The following TMEM132C variants were observed in gnomAD, a reference collection of about 807,000 sequenced individuals.
The protein encoded by TMEM132C is transmembrane protein 132C.
TMEM132C carries 29 observed loss-of-function variants against 61.4 expected under a neutral mutation model. The observed-to-expected ratio is 0.47, with a 90% CI of 0.35 to 0.64. The LOEUF (loss-of-function observed/expected upper bound fraction) is 0.64, where lower values mean the gene tolerates loss of function less well. TMEM132C is among the 30% of genes least tolerant of loss of function. The pLI is 0.00. For synonymous variants in TMEM132C, 656 were observed against 633.1 expected, an observed-to-expected ratio of 1.04 and a Z score of -0.54; for missense variants, 1,408 against 1,476.9, an observed-to-expected ratio of 0.95 and a Z score of 0.76.
intron 1 of TMEM132C, among the ~76,000 whole-genome samples, chr12:128,283,655 A>T (rs1457542299): frequency 6.6e-6 from 1 of 151,966 alleles, no homozygotes; most frequent in Non-Finnish European, 1.5e-5. Context: ...TATCTAATCT[A>T]TTTATCTGCC....
At chr12:128,636,910 G>A (rs914002074) in intron 4 of TMEM132C, among the ~76,000 whole-genome samples, 1 of 152,028 alleles carries the variant, frequency 6.6e-6, no homozygotes, top group Non-Finnish European at 1.5e-5. Context: ...GGTCCTCCAG[G>A]TTCATCCATA....
intron 1 of TMEM132C, among the ~76,000 whole-genome samples, chr12:128,395,430 C>T (rs571646560): frequency 6.6e-6 from 1 of 152,232 alleles, no homozygotes; most frequent in Admixed American, 6.5e-5. Context: ...GCAATGTGCC[C>T]AGTTAAAAAC....
intron 2 of TMEM132C, among the ~76,000 whole-genome samples, chr12:128,522,556 T>C (rs1442151606): frequency 6.6e-6 from 1 of 152,244 alleles, no homozygotes; most frequent in Non-Finnish European, 1.5e-5. Context: ...CATTGGTTAG[T>C]GAATGCTTTG....
At chr12:128,625,635 T>C (rs1954008183) in intron 4 of TMEM132C, among the ~76,000 whole-genome samples, 1 of 152,204 alleles carries the variant, frequency 6.6e-6, no homozygotes, top group African/African-American at 2.4e-5. Flanking sequence ...CTGAGACTTA[T>C]TCATGACCAT....
At chr12:128,473,430 T>G (rs1398326432) in intron 2 of TMEM132C, among the ~76,000 whole-genome samples, 1 of 149,462 alleles carries the variant, frequency 6.7e-6, no homozygotes, top group Admixed American at 6.7e-5. Flanking sequence ...TCATCTTTGC[T>G]CCAGCCTCTA....
At chr12:128,367,062 A>C (rs1288113142) in intron 1 of TMEM132C, among the ~76,000 whole-genome samples, 1 of 152,234 alleles carries the variant, frequency 6.6e-6, no homozygotes, top group Non-Finnish European at 1.5e-5. Flanking sequence ...ATGGAACCAG[A>C]CTTGGGAAGA....
In TMEM132C at chr12:128,381,602, G is replaced by A. The variant is rs76944358; in HGVS notation, c.86-33130G>A. Among the ~76,000 whole-genome samples, 1,356 of 152,194 alleles carry A rather than the reference G, an allele frequency of 8.9e-3. 29 individuals carry two copies. The highest frequency in any genetic ancestry group is 0.031 in the African/African-American group (1,279 of 41,536). The stretch of plus-strand genomic sequence containing the variant: ...GCCTGCTCAGTCCTTCCTAGGGAGT[G>A]GCTCCTAGGGTCTCCTGCGGGAATC... On this transcript the variant is annotated intron_variant, in intron 1 of 8. Coordinates refer to ENST00000435159, the MANE Select transcript of TMEM132C (RefSeq NM_001136103.3).
rs1038679164 is a variant in TMEM132C at position 128,385,835 on chromosome 12, C to T, written c.86-28897C>T. Among the ~76,000 whole-genome samples the T allele has an allele frequency of 3.3e-5, 5 of 152,298 alleles. No homozygotes were observed. The South Asian group carries it at 8.3e-4, about 25-fold the overall frequency. ...ATCTGCGGCTCTGATTTGCCGCAGC[C>T]GCAAGTGAGAGTCATACACCAGTGA... On this transcript the variant is annotated intron_variant, in intron 1 of 8. Transcript: ENST00000435159.
chr12:128,577,098 G>GC (rs1875136449), intron 3 of TMEM132C, among the ~76,000 whole-genome samples: 1 of 152,030 alleles, frequency 6.6e-6, no homozygotes. Flanking sequence ...CCTCCCCACA[G>GC]CCCCCATCAA....
chr12:128,598,708 C>T (rs946087878), intron 3 of TMEM132C, among the ~76,000 whole-genome samples: 5 of 152,130 alleles, frequency 3.3e-5, no homozygotes, highest in Admixed American at 1.3e-4. Flanking sequence ...GGCCCTGTCT[C>T]GGGGAACCCT....
At chr12:128,356,501 A>T (rs1053616864) in intron 1 of TMEM132C, among the ~76,000 whole-genome samples, 1 of 152,248 alleles carries the variant, frequency 6.6e-6, no homozygotes, top group Non-Finnish European at 1.5e-5. Context: ...GAGGAAATAA[A>T]TGACTCTCTG....
intron 2 of TMEM132C, among the ~76,000 whole-genome samples, chr12:128,483,403 G>T (rs1871383067): frequency 6.8e-6 from 1 of 146,386 alleles, no homozygotes; most frequent in Admixed American, 7.0e-5. Flanking sequence ...GTAATCATTT[G>T]TGAGTCACTG....
At chr12:128,334,313 A>G (rs940162775) in intron 1 of TMEM132C, among the ~76,000 whole-genome samples, 3 of 152,076 alleles carry the variant, frequency 2.0e-5, no homozygotes, top group African/African-American at 4.8e-5. Context: ...CCCACCCACC[A>G]TGTCCTCGAG....
intron 1 of TMEM132C, among the ~76,000 whole-genome samples, chr12:128,317,701 A>G (rs1438730985): frequency 6.6e-6 from 1 of 152,194 alleles, no homozygotes; most frequent in Non-Finnish European, 1.5e-5. Context: ...TCTGGCCAAC[A>G]TGGCAAAACC....
intron 3 of TMEM132C, among the ~76,000 whole-genome samples, chr12:128,568,417 T>C (rs1349258643): frequency 1.3e-5 from 2 of 152,210 alleles, no homozygotes; most frequent in Non-Finnish European, 2.9e-5. Flanking sequence ...CAATACTGTC[T>C]CCAATATAGG....
At chr12:128,534,782 A>G (rs2136139364) in intron 2 of TMEM132C, among the ~76,000 whole-genome samples, 1 of 152,300 alleles carries the variant, frequency 6.6e-6, no homozygotes, top group African/African-American at 2.4e-5. Flanking sequence ...CCCGATTAAC[A>G]CAATCAGCCT....
intron 2 of TMEM132C, among the ~76,000 whole-genome samples, chr12:128,428,234 A>T (rs537506157): frequency 3.0e-5 from 2 of 67,144 alleles, no homozygotes; most frequent in Middle Eastern, 7.8e-3. Context: ...TTAAAAAGGA[A>T]TTTTTTTTCC....
intron 3 of TMEM132C, among the ~76,000 whole-genome samples, chr12:128,574,899 G>A (rs1875032695): frequency 1.3e-5 from 2 of 152,152 alleles, no homozygotes. Context: ...TTATCTGACT[G>A]GTCTCTGAAG....
intron 2 of TMEM132C, among the ~76,000 whole-genome samples, chr12:128,507,899 G>A (rs1302972175): frequency 1.3e-5 from 2 of 152,162 alleles, no homozygotes; most frequent in African/African-American, 4.8e-5. Flanking sequence ...GCTGTGTGAG[G>A]AGATGGTGAA....
Sources: gnomAD v4.1 joint callset for allele counts (sites outside exome capture counted in the v4.1 genomes callset) on GRCh38, gnomAD v4.1.1 for gene constraint, MANE v1.5 for transcripts, NCBI Gene and HGNC (gene_info 2026-07-23, HGNC 2026-07-21) for gene names.